ZNF215: variants seen among roughly 807,000 people sequenced by gnomAD.
The protein encoded by ZNF215 is BWSCR2-associated zinc finger protein 2.
In ZNF215, 24 loss-of-function variants were observed where a neutral mutation model predicts 27.2. That is an observed-to-expected ratio of 0.88 (90% CI 0.64 to 1.24). The LOEUF is 1.24. ZNF215 is among the 50% of genes most tolerant of loss of function. The pLI, the probability that ZNF215 is intolerant of heterozygous loss-of-function variation, is 0.00. For synonymous variants in ZNF215, 210 were observed against 204.0 expected (o/e 1.03, Z -0.25); for missense variants, 675 against 605.7 (o/e 1.11, Z -1.20).
chr11:6,962,311 A>G (rs1179391998), downstream of ZNF215, among the ~76,000 whole-genome samples: 3 of 152,148 alleles, frequency 2.0e-5, no homozygotes, highest in Non-Finnish European at 2.9e-5. Flanking sequence ...ATCTCCTGCC[A>G]GGGACTCCCA....
In ZNF215 at chr11:6,978,898, A is replaced by T. The variant is rs2638105; in HGVS notation, c.806-5231A>T. 2.0e-5 allele frequency among the ~76,000 whole-genome samples: 3 copies of T among 152,070 alleles called. No individual in the cohort carries two copies. In the East Asian group the frequency reaches 5.8e-4, roughly 29 times the overall value. On this transcript the variant is annotated intron_variant, in intron 5 of 5. Coordinates refer to the ZNF215 transcript ENST00000529903. ...TAATTGGAATTAGTTGAATTATAAG[A>T]TGAACAAAAATGAGAAATGTAAACT... is the stretch of plus-strand genomic sequence containing the variant.
chr11:6,933,606 T>G (rs1210599171), intron 3 of ZNF215, among the ~76,000 whole-genome samples: 2 of 151,600 alleles, frequency 1.3e-5, no homozygotes, highest in Admixed American at 6.6e-5. Flanking sequence ...GCTAACATGG[T>G]GAAACCCCGT....
chr11:6,950,557 G>T, intron 6 of ZNF215, among the ~76,000 whole-genome samples: 2 of 151,428 alleles, frequency 1.3e-5, no homozygotes, highest in Admixed American at 6.6e-5. Context: ...GTATAAGAAT[G>T]CTTGTGATTT....
chr11:6,991,171 A>G (rs889766054), downstream of ZNF215, among the ~76,000 whole-genome samples: 5 of 152,240 alleles, frequency 3.3e-5, no homozygotes, highest in African/African-American at 1.2e-4. Flanking sequence ...AAAGAGTCTC[A>G]GGTCACAAAC....
In ZNF215 at chr11:6,943,779, T is replaced by C. The variant is rs79568962; in HGVS notation, c.712+138T>C. ...AAACTTTGAGGGGGAAAAGACATTA[T>C]TCGCTTTTGTTCACAGGTTCTTTTT... is the stretch of plus-strand genomic sequence containing the variant. On this transcript the variant is annotated intron_variant, in intron 6 of 6. Transcript: ENST00000278319. The C allele has an allele frequency of 5.9e-3, 4,275 of 718,796 alleles. 134 individuals carry two copies. In the African/African-American group the frequency reaches 0.066, roughly 11 times the overall value. 44.5% of individuals were successfully genotyped at this position (718,796 alleles called of 1,614,324 possible).
At chr11:6,974,826 T>C (rs1359428385) in intron 5 of ZNF215, among the ~76,000 whole-genome samples, 2 of 152,156 alleles carry the variant, frequency 1.3e-5, no homozygotes, top group Non-Finnish European at 2.9e-5. Flanking sequence ...TATACAATCA[T>C]GTCATCTGCA....
chr11:6,958,662 A>C (rs769545320), downstream of ZNF215, among the ~76,000 whole-genome samples: 2 of 152,176 alleles, frequency 1.3e-5, no homozygotes, highest in Non-Finnish European at 2.9e-5. Context: ...ACTGTCACAA[A>C]GTGAGGTCCC....
At chr11:6,976,893 G>A (rs995523517) in intron 5 of ZNF215, among the ~76,000 whole-genome samples, 2 of 152,022 alleles carry the variant, frequency 1.3e-5, no homozygotes, top group African/African-American at 4.8e-5. Flanking sequence ...GATATCAGAC[G>A]TCTGAAATCA....
At chr11:6,991,420 C>CCGT (rs1488115491), downstream of ZNF215, among the ~76,000 whole-genome samples, 1 of 152,202 alleles carries the variant, frequency 6.6e-6, no homozygotes, top group Non-Finnish European at 1.5e-5. Context: ...GCAGCACACA[C>CCGT]CGTCGGGGCT....
At chr11:6,977,449 C>T (rs1850856273) in intron 5 of ZNF215, among the ~76,000 whole-genome samples, 1 of 151,976 alleles carries the variant, frequency 6.6e-6, no homozygotes, top group Admixed American at 6.6e-5. Flanking sequence ...CAGGTATCCA[C>T]TGGGGGTGTT....
rs766595853 is a variant in ZNF215 at position 6,932,630 on chromosome 11, G to A, written c.358G>A (p.Val120Met). 1 of 1,613,954 alleles carries A rather than the reference G, an allele frequency of 6.2e-7. No individual in the cohort carries two copies. Among genetic ancestry groups the A allele is most frequent in the Non-Finnish European group, 8.5e-7 (1 of 1,179,952 alleles). The change falls in exon 3 of 7, where the codon GTG becomes ATG. Residue 120 changes from valine (V) to methionine (M), a missense_variant. Transcript: ENST00000278319. ...ACATCCAAACAACAGTAAAGATATGGTGACCCTCATAGAAGATGTGATTGA... is the reference window on the plus strand; with the variant it reads ...ACATCCAAACAACAGTAAAGATATGATGACCCTCATAGAAGATGTGATTGA... ...LQHPNNSKDMVTLIEDVIEML... is the reference protein window; with the variant it reads ...LQHPNNSKDMMTLIEDVIEML...
chr11:6,980,911 C>T (rs1850937989), intron 5 of ZNF215, among the ~76,000 whole-genome samples: 1 of 151,096 alleles, frequency 6.6e-6, no homozygotes, highest in South Asian at 2.1e-4. Flanking sequence ...TTTCCAATTT[C>T]ATCCATGTCC....
chr11:6,982,973 G>T (rs1212181926), intron 5 of ZNF215, among the ~76,000 whole-genome samples: 2 of 149,396 alleles, frequency 1.3e-5, no homozygotes, highest in Non-Finnish European at 3.0e-5. Context: ...CCAGGAGCTG[G>T]TTTTTTGAAA....
At position 6,942,003 on chromosome 11, in the gene ZNF215, C is replaced by T. The variant is rs76589670; in HGVS notation, c.483+350C>T. On this transcript the variant is annotated intron_variant, in intron 4 of 6. Coordinates refer to ENST00000278319, the MANE Select transcript of ZNF215 (RefSeq NM_013250.4). ...CTCAAAGCATACTAAAAAGACAGGA[C>T]CAAAAGATGTAGGGGAAAACCAGGA... 4.2e-3 allele frequency among the ~76,000 whole-genome samples: 640 copies of T among 152,060 alleles called. 27 individuals carry two copies. The East Asian group carries it at 0.11, about 26-fold the overall frequency.
At chr11:6,937,436 C>T (rs575999107) in intron 3 of ZNF215, among the ~76,000 whole-genome samples, 2 of 151,172 alleles carry the variant, frequency 1.3e-5, no homozygotes, top group Admixed American at 6.6e-5. Flanking sequence ...ATAACACTCC[C>T]CCAAAGCAAT....
chr11:6,946,480 T>C (rs1849818841), intron 6 of ZNF215, among the ~76,000 whole-genome samples: 1 of 152,178 alleles, frequency 6.6e-6, no homozygotes, highest in East Asian at 1.9e-4. Flanking sequence ...TCACAGGTGT[T>C]GGTGTGCAGC....
downstream of ZNF215, among the ~76,000 whole-genome samples, chr11:6,991,031 A>G (rs1266917099): frequency 3.3e-5 from 5 of 152,216 alleles, no homozygotes; most frequent in Admixed American, 3.3e-4. Flanking sequence ...AGTTAGCATC[A>G]CACTTGATAT....
At chr11:6,971,965 A>G (rs942234108) in intron 5 of ZNF215, among the ~76,000 whole-genome samples, 1 of 152,112 alleles carries the variant, frequency 6.6e-6, no homozygotes, top group Non-Finnish European at 1.5e-5. Flanking sequence ...TTTTTAAACT[A>G]CATATTGGCA....
At chr11:6,953,523 G>T (rs1292935979) in intron 6 of ZNF215, among the ~76,000 whole-genome samples, 3 of 151,872 alleles carry the variant, frequency 2.0e-5, no homozygotes, top group African/African-American at 7.3e-5. Context: ...CCAGTTGATC[G>T]CATCAGCTCC....
Sources: allele counts gnomAD v4.1 joint callset (sites outside exome capture counted in the v4.1 genomes callset), GRCh38; gene constraint gnomAD v4.1.1; transcripts MANE v1.5; gene names NCBI Gene and HGNC (gene_info 2026-07-23, HGNC 2026-07-21).